USH2A: variants seen among roughly 807,000 people sequenced by gnomAD.
USH2A encodes usherin.
A neutral mutation model predicts 538.9 loss-of-function variants in USH2A; 443 were observed. The observed-to-expected ratio is 0.82, with a 90% CI of 0.76 to 0.89. The LOEUF (loss-of-function observed/expected upper bound fraction) is 0.89, where lower values mean the gene tolerates loss of function less well. Among genes scored for constraint, USH2A ranks in the 40% least tolerant of loss-of-function variants. The pLI, the probability that USH2A is intolerant of heterozygous loss-of-function variation, is 0.00. For synonymous variants in USH2A, 2,413 were observed against 2,273.5 expected (o/e 1.06, Z -1.75); for missense variants, 6,633 against 6,324.8 (o/e 1.05, Z -1.65).
At chr1:216,045,323 T>C (rs2030464904) in intron 32 of USH2A, among the ~76,000 whole-genome samples, 1 of 152,154 alleles carries the variant, frequency 6.6e-6, no homozygotes, top group Admixed American at 6.6e-5. Flanking sequence ...ACAGGCAGCA[T>C]ACATAATGCA....
chr1:216,034,569 A>G (rs2102514395), intron 32 of USH2A, among the ~76,000 whole-genome samples: 1 of 152,286 alleles, frequency 6.6e-6, no homozygotes, highest in East Asian at 1.9e-4. Flanking sequence ...ATTGAATATG[A>G]CTGTTATCCT....
At chr1:215,882,214 C>G (rs1179628714) in intron 41 of USH2A, among the ~76,000 whole-genome samples, 1 of 152,162 alleles carries the variant, frequency 6.6e-6, no homozygotes, top group Non-Finnish European at 1.5e-5. Context: ...TCGGAACCCT[C>G]ATGTCTAATG....
At position 215,759,676 on chromosome 1, in the gene USH2A, G is replaced by A. The variant is rs2102742157; in HGVS notation, c.11215C>T (p.Leu3739=). The A allele has an allele frequency of 6.2e-7, 1 of 1,613,916 alleles. No individual in the cohort carries two copies. Residue 3739 remains leucine (L), a synonymous_variant, in exon 57 of 72, where the codon CTG becomes TTG. Coordinates refer to ENST00000307340, the MANE Select transcript of USH2A (RefSeq NM_206933.4). ...TTAGTTTACCTGCTATTGGGCTCCAGGTTTTTATCAGTGAAATTCTGCTCC... is the reference window on the plus strand; with the variant it reads ...TTAGTTTACCTGCTATTGGGCTCCAAGTTTTTATCAGTGAAATTCTGCTCC... ...SEEQNFTDKN[L]EPNSRYTYKL...
At chr1:216,408,549 T>G (rs548828153) in intron 3 of USH2A, among the ~76,000 whole-genome samples, 1 of 152,196 alleles carries the variant, frequency 6.6e-6, no homozygotes, top group African/African-American at 2.4e-5. Context: ...TAACAATACA[T>G]TGTTCAGAAT....
intron 20 of USH2A, among the ~76,000 whole-genome samples, chr1:216,186,425 A>G (rs933146801): frequency 6.6e-6 from 1 of 151,538 alleles, no homozygotes; most frequent in African/African-American, 2.4e-5. Flanking sequence ...TCCTTCTAGA[A>G]TTCTCTCTTC....
intron 42 of USH2A, 98 bp from the exon 43 acceptor site, chr1:215,877,978 C>G: frequency 1.3e-6 from 2 of 1,513,624 alleles, no homozygotes; most frequent in Non-Finnish European, 1.8e-6. Flanking sequence ...GTGATATATG[C>G]GTGGAAGCAT....
chr1:216,295,800 T>C (rs1157744854), intron 9 of USH2A, among the ~76,000 whole-genome samples: 1 of 152,076 alleles, frequency 6.6e-6, no homozygotes, highest in East Asian at 1.9e-4. Context: ...CTCTTTGTTT[T>C]ATATTAACAT....
chr1:216,153,722 A>G (rs1409885500), intron 21 of USH2A, among the ~76,000 whole-genome samples: 1 of 152,214 alleles, frequency 6.6e-6, no homozygotes, highest in Non-Finnish European at 1.5e-5. Context: ...ATAAGGGGAA[A>G]AAAACCCTCA....
Position 215,710,973 on chromosome 1 carries a change from A to C in USH2A, c.12066+17057T>G, listed in dbSNP as rs74144008. Reference sequence around the variant, plus strand: ...TCCTCAAGGCAAGCAATCTACTAACACTGCATAGTAAGTCACTGCTGCTTC... The same window carrying C: ...TCCTCAAGGCAAGCAATCTACTAACCCTGCATAGTAAGTCACTGCTGCTTC... On this transcript the variant is annotated intron_variant, in intron 61 of 71. Coordinates refer to ENST00000307340, the MANE Select transcript of USH2A (RefSeq NM_206933.4). Among the ~76,000 whole-genome samples, 423 of 151,990 alleles carry C rather than the reference A, an allele frequency of 2.8e-3. 2 individuals are homozygous for C. Among genetic ancestry groups the C allele is most frequent in the African/African-American group, 7.6e-3 (313 of 41,446 alleles).
intron 20 of USH2A, among the ~76,000 whole-genome samples, 189 bp downstream of exon 20, chr1:216,190,034 T>C (rs912466621): frequency 1.3e-5 from 2 of 152,004 alleles, no homozygotes; most frequent in Non-Finnish European, 2.9e-5. Flanking sequence ...CTGTAACTCG[T>C]AGCTCCTAGG....
chr1:215,992,904 T>C (rs1335475422), intron 35 of USH2A, 116 bp downstream of exon 35: 1 of 1,507,136 alleles, frequency 6.6e-7, no homozygotes, highest in Non-Finnish European at 9.2e-7. Context: ...ATCTTAGGTA[T>C]TTTATGTGCT....
intron 52 of USH2A, among the ~76,000 whole-genome samples, chr1:215,783,974 A>C (rs1661719825): frequency 6.6e-6 from 1 of 152,198 alleles, no homozygotes; most frequent in African/African-American, 2.4e-5. Context: ...TAATATGAAA[A>C]TACAATGCAA....
intron 4 of USH2A, among the ~76,000 whole-genome samples, chr1:216,351,690 C>A (rs1019207321): frequency 1.6e-4 from 20 of 124,374 alleles, no homozygotes; most frequent in African/African-American, 7.3e-4. Flanking sequence ...GAGAATAAAG[C>A]GGAGTGCCTG....
chr1:215,958,015 T>G (rs1667111805), intron 37 of USH2A, among the ~76,000 whole-genome samples: 1 of 152,094 alleles, frequency 6.6e-6, no homozygotes, highest in Non-Finnish European at 1.5e-5. Flanking sequence ...CCAGGGACTA[T>G]AAAACAAAGC....
At chr1:216,177,115 G>A (rs1321477456) in intron 20 of USH2A, among the ~76,000 whole-genome samples, 1 of 152,100 alleles carries the variant, frequency 6.6e-6, no homozygotes, top group Non-Finnish European at 1.5e-5. Flanking sequence ...GTAAGAGCAT[G>A]TTTGGTTTTC....
intron 32 of USH2A, among the ~76,000 whole-genome samples, chr1:216,002,539 C>A (rs1403268126): frequency 6.6e-6 from 1 of 152,146 alleles, no homozygotes; most frequent in Admixed American, 6.5e-5. Context: ...GAGAACACAT[C>A]CAACTTTCTG....
At chr1:215,967,318 G>A (rs1436783) in intron 36 of USH2A, among the ~76,000 whole-genome samples, 58,900 of 151,768 alleles carry the variant, frequency 0.39, 11,662 homozygotes, top group Non-Finnish European at 0.44. Flanking sequence ...GCAGGCGCCC[G>A]CCACCACATC....
At chr1:216,413,441 G>C (rs1270297061) in intron 3 of USH2A, among the ~76,000 whole-genome samples, 2 of 152,040 alleles carry the variant, frequency 1.3e-5, no homozygotes, top group African/African-American at 4.8e-5. Flanking sequence ...ACAGTTCAGA[G>C]ATTAATTGAG....
chr1:216,398,107 A>G (rs528460260), intron 3 of USH2A, among the ~76,000 whole-genome samples: 89 of 152,346 alleles, frequency 5.8e-4, no homozygotes, highest in African/African-American at 2.0e-3. Flanking sequence ...TTTAAATACA[A>G]TAAGGAGCTT....
Sources: allele counts gnomAD v4.1 joint callset (sites outside exome capture counted in the v4.1 genomes callset), GRCh38; gene constraint gnomAD v4.1.1; transcripts MANE v1.5; gene names NCBI Gene and HGNC (gene_info 2026-07-23, HGNC 2026-07-21).